The following ADARB2 variants were observed in gnomAD, a reference collection of about 807,000 sequenced individuals.
ADARB2 encodes the protein adenosine deaminase RNA specific B2 (inactive), also known as inactive double-stranded RNA-specific editase B2.
In ADARB2, 25 loss-of-function variants were observed where a neutral mutation model predicts 62.2. The observed-to-expected ratio is 0.40, with a 90% CI of 0.29 to 0.56. The LOEUF (loss-of-function observed/expected upper bound fraction) is 0.56. Among genes scored for constraint, ADARB2 ranks in the 20% least tolerant of loss-of-function variants. ADARB2 has a pLI of 0.43. For synonymous variants in ADARB2, 572 were observed against 500.8 expected (o/e 1.14, Z -1.90); for missense variants, 1,071 against 1,077.4 (o/e 0.99, Z 0.08).
chr10:1,375,609 G>A (rs1832415445), intron 2 of ADARB2, among the ~76,000 whole-genome samples: 1 of 152,240 alleles, frequency 6.6e-6, no homozygotes, highest in Non-Finnish European at 1.5e-5. Flanking sequence ...AACTGTCCTC[G>A]TATTGGAGCC....
chr10:1,655,683 A>AG (rs1419436751), intron 1 of ADARB2, among the ~76,000 whole-genome samples: 1 of 152,072 alleles, frequency 6.6e-6, no homozygotes, highest in Non-Finnish European at 1.5e-5. Context: ...AAAAAAAAAA[A>AG]GAAAACTGGA....
Position 1,414,005 on chromosome 10 carries a change from C to T in ADARB2, c.101-34845G>A, listed in dbSNP as rs113256775. Among the ~76,000 whole-genome samples, 516 of 152,288 alleles carry T rather than the reference C, an allele frequency of 3.4e-3. 3 individuals carry two copies. The highest frequency in any genetic ancestry group is 0.011 in the African/African-American group (456 of 41,552). On this transcript the variant is annotated intron_variant, in intron 1 of 9. Transcript: ENST00000381312. ...TGCTCGCTGGGTGCCAGACCCACAT[C>T]AGGGGCTCTATTCGTTCTTCAGACG... is the stretch of plus-strand genomic sequence containing the variant.
intron 1 of ADARB2, among the ~76,000 whole-genome samples, chr10:1,702,637 C>T (rs1439912740): frequency 1.3e-5 from 2 of 152,192 alleles, no homozygotes; most frequent in East Asian, 1.9e-4. Context: ...TCCAGTGACC[C>T]TGCTTTGCTT....
At chr10:1,557,731 C>T (rs986853313) in intron 1 of ADARB2, among the ~76,000 whole-genome samples, 1 of 152,076 alleles carries the variant, frequency 6.6e-6, no homozygotes, top group Non-Finnish European at 1.5e-5. Flanking sequence ...TGGTGAAACC[C>T]CATCTCTAAT....
At position 1,598,578 on chromosome 10, in the gene ADARB2, T is replaced by C. The variant is rs145695519; in HGVS notation, c.100+138473A>G. 5.8e-4 allele frequency among the ~76,000 whole-genome samples: 88 copies of C among 152,254 alleles called. 1 individual carries two copies. Among genetic ancestry groups the C allele is most frequent in the African/African-American group, 2.0e-3 (82 of 41,570 alleles). On this transcript the variant is annotated intron_variant, in intron 1 of 9. Coordinates refer to ENST00000381312, the MANE Select transcript of ADARB2 (RefSeq NM_018702.4). ...GAAACGGGTCGGGGATGTGGCCCATTGCTTGGAGTCCTGATGCTGAGCTAC... is the reference window on the plus strand; with the variant it reads ...GAAACGGGTCGGGGATGTGGCCCATCGCTTGGAGTCCTGATGCTGAGCTAC...
At chr10:1,276,809 C>T (rs1228326165) in intron 3 of ADARB2, among the ~76,000 whole-genome samples, 8 of 152,322 alleles carry the variant, frequency 5.3e-5, no homozygotes, top group African/African-American at 1.2e-4. Flanking sequence ...ATACATTCTT[C>T]TCAGCACCAC....
chr10:1,459,592 C>T (rs886782945), intron 1 of ADARB2, among the ~76,000 whole-genome samples: 2 of 152,170 alleles, frequency 1.3e-5, no homozygotes, highest in African/African-American at 4.8e-5. Context: ...GGCCAAACCC[C>T]GTCTCTACTA....
intron 1 of ADARB2, among the ~76,000 whole-genome samples, chr10:1,385,841 C>A (rs916431103): frequency 8.5e-5 from 13 of 152,068 alleles, no homozygotes; most frequent in African/African-American, 3.1e-4. Context: ...TCAGCACAGC[C>A]AGATTCCTGA....
At chr10:1,434,037 G>C (rs1830805903) in intron 1 of ADARB2, among the ~76,000 whole-genome samples, 1 of 152,116 alleles carries the variant, frequency 6.6e-6, no homozygotes, top group Admixed American at 6.5e-5. Flanking sequence ...ATATTTAGGT[G>C]CTGATTTTTT....
At chr10:1,571,066 A>G (rs1217314207) in intron 1 of ADARB2, among the ~76,000 whole-genome samples, 1 of 152,228 alleles carries the variant, frequency 6.6e-6, no homozygotes, top group South Asian at 2.1e-4. Flanking sequence ...TCCAATAAAT[A>G]AATATCGAAT....
At chr10:1,297,074 TC>T (rs2131814999) in intron 3 of ADARB2, among the ~76,000 whole-genome samples, 1 of 152,362 alleles carries the variant, frequency 6.6e-6, no homozygotes, top group Non-Finnish European at 1.5e-5. Context: ...TTCAATAGTA[TC>T]CTCCAAATTT....
intron 6 of ADARB2, among the ~76,000 whole-genome samples, chr10:1,220,403 G>GTGGTGATGATGGTCGTGA: frequency 6.6e-6 from 1 of 150,502 alleles, no homozygotes; most frequent in South Asian, 2.1e-4. Context: ...GGTGATTGTG[G>GTGGTGATGATGGTCGTGA]TGGTGATGAT....
intron 1 of ADARB2, among the ~76,000 whole-genome samples, chr10:1,606,299 C>T (rs3849977): frequency 3.3e-5 from 5 of 152,002 alleles, no homozygotes; most frequent in Admixed American, 6.5e-5. Context: ...AGCCCAGACT[C>T]TCTGAGCTGG....
rs950679658 is a variant in ADARB2, at chr10:1,315,769, G to A, written c.1078-44700C>T. On this transcript the variant is annotated intron_variant, in intron 3 of 9. Transcript: ENST00000381312. ...TATTGCCTTCATTTAAGCTTTTCAC[G>A]TTCCAATGATTTTTTATTATTTCCA... Among the ~76,000 whole-genome samples, 3 of 152,138 alleles carry A rather than the reference G, an allele frequency of 2.0e-5. 1 individual carries two copies. Among genetic ancestry groups the A allele is most frequent in the Non-Finnish European group, 4.4e-5 (3 of 68,032 alleles).
chr10:1,717,332 C>A (rs1588364771), intron 1 of ADARB2, among the ~76,000 whole-genome samples: 1 of 151,658 alleles, frequency 6.6e-6, no homozygotes, highest in Non-Finnish European at 1.5e-5. Context: ...GACCCCAGGG[C>A]AGCTGGGCCT....
chr10:1,242,049 C>G (rs894456993), intron 5 of ADARB2, 82 bp downstream of exon 5: 2 of 1,438,726 alleles, frequency 1.4e-6, no homozygotes, highest in Non-Finnish European at 1.9e-6. Context: ...GTGTTCTGAG[C>G]CAGGCATGGG....
chr10:1,609,172 C>CTCACAGGCTTTTT lies in ADARB2; in HGVS notation c.100+127878_100+127879insAAAAAGCCTGTGA, dbSNP rs1171764680. ...AGAGACGCTTTTCGGATTCGCTCAG[C>CTCACAGGCTTTTT]TCACAGGCGGGATGGGAATGTGCCG... On this transcript the variant is annotated intron_variant, in intron 1 of 9. Transcript: ENST00000381312. 2.0e-5 allele frequency among the ~76,000 whole-genome samples: 3 copies of CTCACAGGCTTTTT among 152,236 alleles called. No individual in the cohort carries two copies. In the East Asian group the frequency reaches 5.8e-4, roughly 29 times the overall value.
intron 1 of ADARB2, among the ~76,000 whole-genome samples, chr10:1,637,427 A>G (rs1833929718): frequency 1.3e-5 from 2 of 152,228 alleles, no homozygotes; most frequent in Non-Finnish European, 2.9e-5. Flanking sequence ...AATGAAACCC[A>G]TTATACTCTT....
intron 1 of ADARB2, among the ~76,000 whole-genome samples, chr10:1,534,049 GA>G (rs1371559093): frequency 6.6e-6 from 1 of 150,612 alleles, no homozygotes; most frequent in African/African-American, 2.4e-5. Flanking sequence ...GAGGGAGAGA[GA>G]GAGAGAGAGA....
Sources: allele counts gnomAD v4.1 joint callset (sites outside exome capture counted in the v4.1 genomes callset), GRCh38; gene constraint gnomAD v4.1.1; transcripts MANE v1.5; gene names NCBI Gene and HGNC (gene_info 2026-07-23, HGNC 2026-07-21).